Variants in FARP2 observed in about 807,000 individuals in gnomAD.
FARP2 encodes the protein FERM, ARH/RhoGEF and pleckstrin domain protein 2.
A neutral mutation model predicts 130.5 loss-of-function variants in FARP2; 111 were observed. The observed-to-expected ratio is 0.85, with a 90% CI of 0.73 to 1.00. FARP2 has a LOEUF of 1.00. Ranked by LOEUF, FARP2 falls within the 50% of genes least tolerant of loss-of-function variation. The pLI is 0.00. For synonymous variants in FARP2, 504 were observed against 516.9 expected (o/e 0.98, Z 0.34); for missense variants, 1,385 against 1,346.3 (o/e 1.03, Z -0.45).
At chr2:241,491,408 G>C in intron 23 of FARP2, 108 bp from the exon 24 acceptor site, 1 of 1,265,714 alleles carries the variant, frequency 7.9e-7, no homozygotes, top group Non-Finnish European at 1.1e-6. Context: ...CTAGCACCAA[G>C]GGCTCCCCAT....
chr2:241,469,018 T>C (rs923971328), intron 18 of FARP2, among the ~76,000 whole-genome samples: 1 of 152,182 alleles, frequency 6.6e-6, no homozygotes, highest in Non-Finnish European at 1.5e-5. Context: ...CTAATGGGGA[T>C]GTGTTCTGAT....
chr2:241,476,281 G>A (rs2064459245), intron 19 of FARP2, among the ~76,000 whole-genome samples: 1 of 151,874 alleles, frequency 6.6e-6, no homozygotes, highest in East Asian at 1.9e-4. Context: ...CAGCTACTCA[G>A]GAGACTGAGA....
At chr2:241,418,359 C>T (rs1170627755) in intron 8 of FARP2, among the ~76,000 whole-genome samples, 3 of 152,142 alleles carry the variant, frequency 2.0e-5, no homozygotes, top group East Asian at 3.8e-4. Context: ...GACTGCCTCC[C>T]GCCTCCTTGG....
intron 2 of FARP2, among the ~76,000 whole-genome samples, chr2:241,376,710 C>T (rs1297449234): frequency 6.6e-6 from 1 of 152,226 alleles, no homozygotes; most frequent in Non-Finnish European, 1.5e-5. Context: ...TACATTGGAA[C>T]CAAGAGACAG....
intron 12 of FARP2, among the ~76,000 whole-genome samples, chr2:241,438,300 A>T (rs2063295090): frequency 6.6e-6 from 1 of 152,106 alleles, no homozygotes; most frequent in Non-Finnish European, 1.5e-5. Flanking sequence ...CACACCCTTA[A>T]TCCCAACTAC....
rs2064652006 is a variant in FARP2 at position 241,482,891 on chromosome 2, C to T, written c.2263-574C>T. ...CAGGATTCTTTTTTCTTATCTAACG[C>T]CCTGTGGTGGACGAGGTGGTGCTAA... On this transcript the variant is annotated intron_variant, in intron 19 of 26. Coordinates refer to ENST00000264042, the MANE Select transcript of FARP2 (RefSeq NM_014808.4). The surrounding 1 kb of genome is among the most constrained non-coding windows in gnomAD (Gnocchi z 4.6). Among the ~76,000 whole-genome samples, 1 of 152,146 alleles carries T rather than the reference C, an allele frequency of 6.6e-6. No homozygotes were observed.
chr2:241,452,121 A>G (rs1311871101), intron 13 of FARP2, among the ~76,000 whole-genome samples: 1 of 152,220 alleles, frequency 6.6e-6, no homozygotes, highest in Non-Finnish European at 1.5e-5. Context: ...GAGGAGCACT[A>G]CGGCCAAGTG....
Position 241,434,330 on chromosome 2 carries a change from C to A in FARP2, c.1031+9C>A. The A allele has an allele frequency of 6.3e-7, 1 of 1,585,282 alleles. No homozygotes were observed. ...TCCTCCTTCAGATACAGGTAGGGGC[C>A]ATGCCGTGGCTTGCATGGGCCCCTC... On this transcript the variant is annotated intron_variant, in intron 10 of 26. Coordinates refer to ENST00000264042, the MANE Select transcript of FARP2 (RefSeq NM_014808.4).
At chr2:241,398,849 G>A (rs757392694) in intron 2 of FARP2, among the ~76,000 whole-genome samples, 1 of 152,168 alleles carries the variant, frequency 6.6e-6, no homozygotes, top group African/African-American at 2.4e-5. Flanking sequence ...GATTACAGGC[G>A]TGAGCCACCG....
At chr2:241,465,403 CAGG>C (rs760442468) in intron 17 of FARP2, 3 of 1,377,664 alleles carry the variant, frequency 2.2e-6, no homozygotes, top group Non-Finnish European at 3.0e-6. Context: ...GTGGGGAGGG[CAGG>C]GCCCTGGGAC....
At chr2:241,403,721 G>T in intron 2 of FARP2, 107 bp from the exon 3 acceptor site, 1 of 604,256 alleles carries the variant, frequency 1.7e-6, no homozygotes, top group East Asian at 2.8e-5. Context: ...TACACTGGAA[G>T]ACAAAGTGAT....
Position 241,484,282 on chromosome 2 carries a change from G to A in FARP2, c.2372G>A (p.Gly791Glu), listed in dbSNP as rs910672232. Residue 791 changes from glycine (G) to glutamate (E), a missense_variant, in exon 21 of 27, where the codon GGG becomes GAG. Coordinates refer to ENST00000264042, the MANE Select transcript of FARP2 (RefSeq NM_014808.4). ...MLLYTSKGVAGTSHFRIRGLL... is the reference protein window; with the variant it reads ...MLLYTSKGVAETSHFRIRGLL... ...CTGTACACAAGCAAAGGAGTTGCAG[G>A]GACCAGCCACTTCCGGATCCGGGGC... 1 of 1,614,188 alleles carries A rather than the reference G, an allele frequency of 6.2e-7. No homozygotes were observed.
At position 241,475,342 on chromosome 2, in the gene FARP2, G is replaced by A. The variant is rs984685167; in HGVS notation, c.2132-515G>A. On this transcript the variant is annotated intron_variant, in intron 18 of 26. Transcript: ENST00000264042. The surrounding 1 kb of genome is among the most constrained non-coding windows in gnomAD (Gnocchi z 4.4). ...GTCCTATAAGTCCTATAAGGCAGGG[G>A]TCCCCAGTGCCCATGGCTATGGACT... 5.3e-5 allele frequency among the ~76,000 whole-genome samples: 8 copies of A among 152,316 alleles called. No homozygotes were observed. Among genetic ancestry groups the A allele is most frequent in the East Asian group, 1.9e-4 (1 of 5,188 alleles).
chr2:241,409,120 C>T (rs1177879080), intron 5 of FARP2, among the ~76,000 whole-genome samples: 3 of 152,028 alleles, frequency 2.0e-5, no homozygotes, highest in Non-Finnish European at 4.4e-5. Flanking sequence ...CATTCAGGAT[C>T]CTGGGTCTCA....
In FARP2 at chr2:241,482,375, G is replaced by A. The variant is rs1212774585; in HGVS notation, c.2263-1090G>A. ...TTAGCCAGTGCTGGGGTCTCTGAGG[G>A]TGATGCTGCTACCTGTGGCTGGAAG... On this transcript the variant is annotated intron_variant, in intron 19 of 26. Coordinates refer to ENST00000264042, the MANE Select transcript of FARP2 (RefSeq NM_014808.4). The surrounding 1 kb of genome is among the most constrained non-coding windows in gnomAD (Gnocchi z 4.6). Among the ~76,000 whole-genome samples, 1 of 152,160 alleles carries A rather than the reference G, an allele frequency of 6.6e-6. No individual in the cohort carries two copies. The highest frequency in any genetic ancestry group is 2.4e-5 in the African/African-American group (1 of 41,416).
intron 1 of FARP2, among the ~76,000 whole-genome samples, chr2:241,372,149 G>T (rs2061438287): frequency 6.6e-6 from 1 of 152,078 alleles, no homozygotes; most frequent in Admixed American, 6.5e-5. Context: ...CACAAAAGGA[G>T]AGTTGAAAAG....
chr2:241,486,143 A>C (rs1386586207), intron 21 of FARP2, among the ~76,000 whole-genome samples: 1 of 152,242 alleles, frequency 6.6e-6, no homozygotes, highest in East Asian at 1.9e-4. Context: ...TGAAAGTATA[A>C]GACAGAAATC....
At chr2:241,406,420 TAGAGAG>T (rs60655206) in intron 4 of FARP2, among the ~76,000 whole-genome samples, 5 of 150,804 alleles carry the variant, frequency 3.3e-5, no homozygotes, top group Admixed American at 6.6e-5. Context: ...TGTATATATA[TAGAGAG>T]AGAGAGAGAG....
intron 7 of FARP2, among the ~76,000 whole-genome samples, chr2:241,416,481 G>T (rs1175530303): frequency 6.6e-6 from 1 of 151,882 alleles, no homozygotes; most frequent in Admixed American, 6.6e-5. Context: ...AGACAATATT[G>T]TACCTTTATT....
Sources: allele counts gnomAD v4.1 joint callset (sites outside exome capture counted in the v4.1 genomes callset), GRCh38; gene constraint gnomAD v4.1.1; non-coding constraint Gnocchi (gnomAD v3.1); transcripts MANE v1.5; gene names NCBI Gene and HGNC (gene_info 2026-07-23, HGNC 2026-07-21).